The following SYNPR variants were observed in gnomAD, a reference collection of about 807,000 sequenced individuals.
SYNPR encodes synaptoporin.
In SYNPR, 23 loss-of-function variants were observed where a neutral mutation model predicts 32.9. The observed-to-expected ratio is 0.70, with a 90% confidence interval of 0.50 to 0.99. The LOEUF (loss-of-function observed/expected upper bound fraction) is 0.99. Ranked by LOEUF, SYNPR falls within the 50% of genes least tolerant of loss-of-function variation. SYNPR has a pLI of 0.00. For synonymous variants in SYNPR, 146 were observed against 135.9 expected (o/e 1.07, Z -0.52); for missense variants, 318 against 349.3 (o/e 0.91, Z 0.71).
At chr3:63,208,492 C>G in the SYNPR span, among the ~76,000 whole-genome samples, 1,474 of 152,318 alleles carry the variant, frequency 9.7e-3, 22 homozygotes, top group African/African-American at 0.033. Context: ...CTACCACAGT[C>G]ATCTGGTTTG....
intron 4 of SYNPR, among the ~76,000 whole-genome samples, chr3:63,587,377 A>T (rs1374764661): frequency 6.6e-6 from 1 of 152,262 alleles, no homozygotes; most frequent in East Asian, 1.9e-4. Flanking sequence ...GAACTTTAAA[A>T]TCCATCATCA....
At chr3:63,300,651 C>T (rs774090348) in intron 2 of SYNPR, among the ~76,000 whole-genome samples, 12 of 152,060 alleles carry the variant, frequency 7.9e-5, no homozygotes, top group Non-Finnish European at 1.6e-4. Flanking sequence ...AGGGGTAGCC[C>T]ATAGCCAGTA....
rs9813884 is a variant in SYNPR at position 63,571,332 on chromosome 3, G to T, written c.408+14591G>T. Among the ~76,000 whole-genome samples the T allele has an allele frequency of 7.0e-3, 1,067 of 152,210 alleles. 11 individuals carry two copies. Among genetic ancestry groups the T allele is most frequent in the African/African-American group, 0.025 (1,026 of 41,532 alleles). ...TGCAGTCTTTGTTCCTCTCTGAAAA[G>T]GTGGAATTTGGCCTTACTTTTGCCT... On this transcript the variant is annotated intron_variant, in intron 4 of 5. Transcript: ENST00000478300.
intron 2 of SYNPR, among the ~76,000 whole-genome samples, chr3:63,448,987 T>C (rs1366877873): frequency 3.9e-5 from 6 of 152,132 alleles, no homozygotes; most frequent in Non-Finnish European, 7.3e-5. Context: ...AATGGAGTGG[T>C]AGGAAGCAGG....
intron 2 of SYNPR, among the ~76,000 whole-genome samples, chr3:63,427,201 T>C (rs571704995): frequency 5.6e-4 from 84 of 149,414 alleles, no homozygotes; most frequent in Non-Finnish European, 1.2e-3. Context: ...TGTAAAAGGA[T>C]CTGTTACCTT....
At chr3:63,406,751 TC>T (rs1473485811) in intron 2 of SYNPR, among the ~76,000 whole-genome samples, 1 of 152,146 alleles carries the variant, frequency 6.6e-6, no homozygotes, top group Non-Finnish European at 1.5e-5. Context: ...ACAGAAGAAG[TC>T]TCTTCTCTTA....
upstream of SYNPR, among the ~76,000 whole-genome samples, chr3:63,226,699 A>G (rs62251282): frequency 0.019 from 2,878 of 152,220 alleles, 40 homozygotes; most frequent in Non-Finnish European, 0.029. Context: ...AGAGTTGGGG[A>G]ATGCTGGGAG....
chr3:63,254,859 T>C (rs2086368615), intron 2 of SYNPR, among the ~76,000 whole-genome samples: 1 of 152,124 alleles, frequency 6.6e-6, no homozygotes, highest in Non-Finnish European at 1.5e-5. Flanking sequence ...CCTAATCCAA[T>C]ATAAATGGTC....
intron 2 of SYNPR, among the ~76,000 whole-genome samples, chr3:63,341,121 T>C (rs1264973645): frequency 3.9e-5 from 6 of 152,234 alleles, no homozygotes; most frequent in Non-Finnish European, 8.8e-5. Context: ...GAATGTCATA[T>C]ATTTGAAATC....
intron 2 of SYNPR, among the ~76,000 whole-genome samples, chr3:63,354,014 C>T (rs916086783): frequency 3.9e-5 from 6 of 152,144 alleles, no homozygotes; most frequent in Non-Finnish European, 7.4e-5. Context: ...CATATCCCAG[C>T]TCTGACACTT....
At position 63,615,667 on chromosome 3, in the gene SYNPR, T is replaced by C; in HGVS notation, c.*186T>C. 1.4e-6 allele frequency: 1 copy of C among 702,772 alleles called. No homozygotes were observed. Among genetic ancestry groups the C allele is most frequent in the Non-Finnish European group, 2.3e-6 (1 of 440,418 alleles). The allele number at this position is 702,772 out of a possible 1,614,324, so 43.5% of individuals were successfully genotyped here. A position where few individuals can be genotyped will look rare whatever the true frequency, so the allele number is the denominator to read the frequency against. On this transcript the variant is annotated 3_prime_UTR_variant, in exon 6 of 6. Transcript: ENST00000478300. ...AATGATACTTAGAGATGAGGCGACA[T>C]GAGGAGATATATTATTCATCATAGA...
intron 2 of SYNPR, among the ~76,000 whole-genome samples, chr3:63,442,217 CAG>C (rs1256889113): frequency 7.6e-6 from 1 of 132,412 alleles, no homozygotes; most frequent in Admixed American, 7.3e-5. Flanking sequence ...GAGAAGGAGA[CAG>C]AGATACAAAG....
At chr3:63,395,685 CA>C (rs1440929711) in intron 2 of SYNPR, among the ~76,000 whole-genome samples, 2 of 152,164 alleles carry the variant, frequency 1.3e-5, no homozygotes, top group Admixed American at 1.3e-4. Flanking sequence ...TGATAGATAA[CA>C]AACCTTGAAT....
chr3:63,377,496 C>A (rs940844309), intron 2 of SYNPR, among the ~76,000 whole-genome samples: 2 of 152,024 alleles, frequency 1.3e-5, no homozygotes, highest in Non-Finnish European at 2.9e-5. Flanking sequence ...GTACGTCATG[C>A]CAACCTATCA....
chr3:63,588,824 C>A (rs1469049958), intron 4 of SYNPR, among the ~76,000 whole-genome samples: 1 of 152,030 alleles, frequency 6.6e-6, no homozygotes, highest in African/African-American at 2.4e-5. Context: ...GTGAACTGAT[C>A]CACCCCAAAC....
At chr3:63,279,292 T>C (rs951224022) in intron 2 of SYNPR, among the ~76,000 whole-genome samples, 2 of 152,192 alleles carry the variant, frequency 1.3e-5, no homozygotes, top group Non-Finnish European at 2.9e-5. Context: ...CAGACTGTTA[T>C]AAACGGCGGC....
chr3:63,334,813 C>T (rs183742009), intron 2 of SYNPR, among the ~76,000 whole-genome samples: 12 of 145,700 alleles, frequency 8.2e-5, no homozygotes, highest in African/African-American at 2.7e-4. Flanking sequence ...AAGGTAATTG[C>T]CGTTTTTGCC....
intron 4 of SYNPR, among the ~76,000 whole-genome samples, chr3:63,586,012 A>G (rs923788047): frequency 1.3e-5 from 2 of 152,030 alleles, no homozygotes; most frequent in African/African-American, 4.8e-5. Flanking sequence ...TTTTTTTCTC[A>G]CTTTCCACTT....
At chr3:63,218,300 T>C in the SYNPR span, among the ~76,000 whole-genome samples, 3 of 152,216 alleles carry the variant, frequency 2.0e-5, no homozygotes, top group African/African-American at 7.2e-5. Context: ...GTTTTGCTGT[T>C]TCCCCATTGT....
Sources: allele counts gnomAD v4.1 joint callset (sites outside exome capture counted in the v4.1 genomes callset), GRCh38; gene constraint gnomAD v4.1.1; transcripts MANE v1.5; gene names NCBI Gene and HGNC (gene_info 2026-07-23, HGNC 2026-07-21).